The following SDK1 variants were observed in gnomAD, a reference collection of about 807,000 sequenced individuals.
The protein encoded by SDK1 is sidekick cell adhesion molecule 1.
Under a neutral mutation model 245.5 loss-of-function variants are expected in SDK1, and 157 were observed. That is an observed-to-expected ratio of 0.64 (90% CI 0.56 to 0.73). The LOEUF is 0.73. Ranked by LOEUF, SDK1 falls within the 30% of genes least tolerant of loss-of-function variation. The pLI, the probability that SDK1 is intolerant of heterozygous loss-of-function variation, is 0.00. For synonymous variants in SDK1, 1,647 were observed against 1,278.5 expected (o/e 1.29, Z -6.15); for missense variants, 3,583 against 3,002.3 (o/e 1.19, Z -4.52).
chr7:3,354,329 G>T (rs1032935666), intron 1 of SDK1, among the ~76,000 whole-genome samples: 9 of 150,154 alleles, frequency 6.0e-5, no homozygotes, highest in Non-Finnish European at 1.5e-5. Context: ...TAAGTCAAAC[G>T]GAAAAAAAAA....
rs1469831980 is a variant in SDK1, at chr7:3,821,581, C to G, written c.845C>G (p.Ala282Gly). ...KTSPFIHLSIARDVGTPETMA... is the reference protein window; with the variant it reads ...KTSPFIHLSIGRDVGTPETMA... ...AGCCCATTCATTCATTTGAGCATAG[C>G]AAGTGAGTTTTGAAATCCCAAATGG... The change falls in exon 5 of 45, where the codon GCA becomes GGA. Residue 282 changes from alanine to glycine, a missense_variant and splice_region_variant. Transcript: ENST00000404826. The G allele has an allele frequency of 6.2e-7, 1 of 1,612,090 alleles. No homozygotes were observed. Among genetic ancestry groups the G allele is most frequent in the Non-Finnish European group, 8.5e-7 (1 of 1,179,290 alleles).
chr7:3,713,276 G>C (rs1318631083), intron 4 of SDK1, among the ~76,000 whole-genome samples: 1 of 152,220 alleles, frequency 6.6e-6, no homozygotes, highest in African/African-American at 2.4e-5. Context: ...AGTCGTCTGG[G>C]AGCTCAGGCT....
chr7:4,122,081 C>T (rs907830198), intron 25 of SDK1, among the ~76,000 whole-genome samples: 2 of 152,064 alleles, frequency 1.3e-5, no homozygotes, highest in Non-Finnish European at 2.9e-5. Context: ...CATCTCTGCC[C>T]GTCCTACCAC....
intron 17 of SDK1, among the ~76,000 whole-genome samples, chr7:4,021,429 C>A (rs891880712): frequency 2.0e-5 from 3 of 152,160 alleles, no homozygotes; most frequent in Admixed American, 6.5e-5. Flanking sequence ...CTGCTAGAAA[C>A]AGACCCACAG....
chr7:3,615,902 G>C (rs1781753429), intron 1 of SDK1, among the ~76,000 whole-genome samples: 1 of 143,008 alleles, frequency 7.0e-6, no homozygotes, highest in Non-Finnish European at 1.6e-5. Flanking sequence ...TCTGAGACAG[G>C]GTCTTGGTCT....
intron 14 of SDK1, among the ~76,000 whole-genome samples, chr7:4,005,365 G>A (rs182157502): frequency 3.9e-4 from 59 of 149,896 alleles, no homozygotes; most frequent in African/African-American, 1.3e-3. Context: ...GCTGCCTTCC[G>A]TTTCCGGGTA....
At chr7:3,627,278 C>A (rs1477393045) in intron 2 of SDK1, among the ~76,000 whole-genome samples, 1 of 152,144 alleles carries the variant, frequency 6.6e-6, no homozygotes, top group Non-Finnish European at 1.5e-5. Context: ...AGTGTGGCTA[C>A]TTCCAGGTGA....
At chr7:3,583,646 C>T (rs543957644) in intron 1 of SDK1, among the ~76,000 whole-genome samples, 1 of 152,228 alleles carries the variant, frequency 6.6e-6, no homozygotes, top group African/African-American at 2.4e-5. Context: ...GGCATCTGTG[C>T]TTCTACACTT....
chr7:3,389,995 G>A (rs1044155659), intron 1 of SDK1, among the ~76,000 whole-genome samples: 1 of 152,106 alleles, frequency 6.6e-6, no homozygotes, highest in African/African-American at 2.4e-5. Flanking sequence ...TGGTAAGTGG[G>A]GGAAAGTGGA....
intron 20 of SDK1, 27 bp downstream of exon 20, chr7:4,067,963 G>A: frequency 6.6e-7 from 1 of 1,524,606 alleles, no homozygotes; most frequent in Non-Finnish European, 9.0e-7. Flanking sequence ...TTCAAAAAAG[G>A]AAAAGATAAG....
chr7:4,008,283 A>T (rs6462528), intron 14 of SDK1, among the ~76,000 whole-genome samples: 35,987 of 152,206 alleles, frequency 0.24, 4,965 homozygotes, highest in African/African-American at 0.39. Flanking sequence ...TTACCCATTC[A>T]TCCATCGGTG....
intron 1 of SDK1, among the ~76,000 whole-genome samples, chr7:3,381,371 C>T (rs570983835): frequency 5.3e-5 from 8 of 151,972 alleles, no homozygotes; most frequent in African/African-American, 1.2e-4. Context: ...CAAAAGAGAG[C>T]GACTTAGAGA....
intron 22 of SDK1, among the ~76,000 whole-genome samples, chr7:4,108,633 G>A (rs932450123): frequency 1.3e-5 from 2 of 152,074 alleles, no homozygotes; most frequent in African/African-American, 4.8e-5. Flanking sequence ...TATTTTGGCC[G>A]GTCATTCTAC....
intron 1 of SDK1, among the ~76,000 whole-genome samples, chr7:3,453,619 C>A (rs1385795050): frequency 6.6e-6 from 1 of 152,136 alleles, no homozygotes; most frequent in Non-Finnish European, 1.5e-5. Flanking sequence ...CTGTAAGAGG[C>A]AAGGAGCAGA....
intron 40 of SDK1, among the ~76,000 whole-genome samples, chr7:4,231,026 T>A (rs1785726967): frequency 6.6e-6 from 1 of 152,112 alleles, no homozygotes; most frequent in African/African-American, 2.4e-5. Context: ...GGGGCAACAG[T>A]TCTCCAGGTC....
chr7:3,651,697 T>G (rs1219263595), intron 4 of SDK1, among the ~76,000 whole-genome samples: 2 of 152,176 alleles, frequency 1.3e-5, no homozygotes, highest in Non-Finnish European at 1.5e-5. Flanking sequence ...GTAAGATAAA[T>G]AAAGTAAATC....
intron 5 of SDK1, among the ~76,000 whole-genome samples, chr7:3,841,820 C>T (rs1338408552): frequency 2.0e-5 from 3 of 152,160 alleles, no homozygotes; most frequent in Non-Finnish European, 2.9e-5. Flanking sequence ...ACCTCAGCCT[C>T]CCAAAGTGCT....
intron 1 of SDK1, among the ~76,000 whole-genome samples, chr7:3,595,140 T>A (rs1384568310): frequency 2.0e-5 from 3 of 152,186 alleles, no homozygotes; most frequent in Non-Finnish European, 4.4e-5. Flanking sequence ...ATTACTTTTT[T>A]TTTGAATCTT....
chr7:3,564,494 T>C lies in SDK1; in HGVS notation c.299-54586T>C, dbSNP rs569837465. On this transcript the variant is annotated intron_variant, in intron 1 of 44. Transcript: ENST00000404826. ...ACAGAGGGAGACTCTCAAAAAAAAA[T>C]TTATTTTAATAAAAAATACAGGACA... Among the ~76,000 whole-genome samples, 4 of 151,776 alleles carry C rather than the reference T, an allele frequency of 2.6e-5. No individual in the cohort carries two copies. In the South Asian group the frequency reaches 6.3e-4, roughly 24 times the overall value.
Sources: allele counts gnomAD v4.1 joint callset (sites outside exome capture counted in the v4.1 genomes callset), GRCh38; gene constraint gnomAD v4.1.1; transcripts MANE v1.5; gene names NCBI Gene and HGNC (gene_info 2026-07-23, HGNC 2026-07-21).